Variants in MPHOSPH9 observed in about 807,000 individuals in gnomAD.
MPHOSPH9 encodes the protein M-phase phosphoprotein 9.
In MPHOSPH9, 88 loss-of-function variants were observed where a neutral mutation model predicts 145.5. The ratio of observed to expected loss-of-function variants is 0.60; its 90% CI spans 0.51 to 0.72. The LOEUF (loss-of-function observed/expected upper bound fraction) is 0.72. Ranked by LOEUF, MPHOSPH9 falls within the 30% of genes least tolerant of loss-of-function variation. The pLI is 0.00. For synonymous variants in MPHOSPH9, 435 were observed against 486.2 expected, an observed-to-expected ratio of 0.89 and a Z score of 1.39; for missense variants, 1,238 against 1,386.6, an observed-to-expected ratio of 0.89 and a Z score of 1.70.
intron 13 of MPHOSPH9, among the ~76,000 whole-genome samples, chr12:123,191,906 AG>A (rs2045692851): frequency 6.6e-6 from 1 of 152,202 alleles, no homozygotes; most frequent in African/African-American, 2.4e-5. Context: ...TAACAAAGAA[AG>A]GACATGCACT....
intron 3 of MPHOSPH9, among the ~76,000 whole-genome samples, chr12:123,223,407 G>A (rs576000647): frequency 3.3e-5 from 5 of 152,252 alleles, no homozygotes; most frequent in Non-Finnish European, 7.4e-5. Flanking sequence ...CTAACTGCCT[G>A]CGTAAAGCCT....
intron 1 of MPHOSPH9, among the ~76,000 whole-genome samples, chr12:123,242,821 C>G (rs1235410634): frequency 1.3e-5 from 2 of 152,164 alleles, no homozygotes; most frequent in African/African-American, 2.4e-5. Flanking sequence ...CTCTCTTTTT[C>G]CCTGCACTGG....
At position 123,218,364 on chromosome 12, in the gene MPHOSPH9, C is replaced by T; in HGVS notation, c.996+12G>A. The stretch of plus-strand genomic sequence containing the variant: ...GTACTGGAGCCCGCAGGGAAAGTGA[C>T]TAGTCACCTACTTTCTCAATTGGTG... On this transcript the variant is annotated intron_variant, in intron 6 of 23. Coordinates refer to ENST00000606320, the MANE Select transcript of MPHOSPH9 (RefSeq NM_022782.4). The T allele has an allele frequency of 6.2e-7, 1 of 1,613,780 alleles. No homozygotes were observed. Among genetic ancestry groups the T allele is most frequent in the Non-Finnish European group, 8.5e-7 (1 of 1,179,768 alleles).
chr12:123,241,668 C>G (rs2047939781), intron 1 of MPHOSPH9, among the ~76,000 whole-genome samples: 2 of 151,824 alleles, frequency 1.3e-5, no homozygotes. Context: ...TGAGGTCTCC[C>G]TATGTTGCAC....
In MPHOSPH9 at chr12:123,202,951, G is replaced by T. The variant is rs758323407; in HGVS notation, c.1454C>A (p.Ser485Tyr). The T allele has an allele frequency of 1.4e-5, 22 of 1,614,142 alleles. No homozygotes were observed. The highest frequency in any genetic ancestry group is 1.7e-5 in the Non-Finnish European group (20 of 1,180,026). The part of the protein sequence containing the change: ...SPDSVLEPSM[S>Y]SPSDIDSFSQ... Reference sequence around the variant, plus strand: ...AAATGAGTCTATGTCAGAGGGACTAGACATACTAGGCTCTAGAACAGAGTC... The same window carrying T: ...AAATGAGTCTATGTCAGAGGGACTATACATACTAGGCTCTAGAACAGAGTC... The change falls in exon 10 of 24, where the codon TCT becomes TAT. Residue 485 changes from serine (S) to tyrosine (Y), a missense_variant. Physicochemically the swap from Ser to Tyr is moderately radical, Grantham distance 144. Transcript: ENST00000606320.
chr12:123,230,985 C>T (rs1350632890), intron 1 of MPHOSPH9, among the ~76,000 whole-genome samples: 1 of 152,156 alleles, frequency 6.6e-6, no homozygotes, highest in African/African-American at 2.4e-5. Flanking sequence ...GTGATGGCTG[C>T]ACAACCTTGT....
At chr12:123,239,118 A>C (rs1362944122) in intron 1 of MPHOSPH9, among the ~76,000 whole-genome samples, 1 of 152,098 alleles carries the variant, frequency 6.6e-6, no homozygotes, top group Non-Finnish European at 1.5e-5. Context: ...AAAATCCAAA[A>C]ATTAGCCAGG....
intron 16 of MPHOSPH9, 111 bp downstream of exon 16, chr12:123,176,577 T>G: frequency 1.3e-6 from 1 of 749,750 alleles, no homozygotes; most frequent in Non-Finnish European, 2.2e-6. Flanking sequence ...ATTTAAGTTC[T>G]GTAATGACAT....
In MPHOSPH9 at chr12:123,221,395, T is replaced by G. The variant is rs775548067; in HGVS notation, c.849A>C (p.Glu283Asp). 5.0e-6 allele frequency: 8 copies of G among 1,605,962 alleles called. No homozygotes were observed. Among genetic ancestry groups the G allele is most frequent in the Non-Finnish European group, 6.8e-6 (8 of 1,176,978 alleles). ...HNFLGENKVS[E>D]VYSGKTNSNA... ...ACCTATTTGTTTTCCCACTGTATAC[T>G]TCAGAAACCTTATTTTCACCAAGAA... The change falls in exon 5 of 24, where the codon GAA becomes GAC. Residue 283 changes from glutamate to aspartate, a missense_variant. Around this residue, in one of 3 missense-constraint regions of MPHOSPH9, gnomAD observed 837 missense variants for 897.5 expected, o/e 0.93. Coordinates refer to ENST00000606320, the MANE Select transcript of MPHOSPH9 (RefSeq NM_022782.4).
In MPHOSPH9 at chr12:123,156,671, G is replaced by C. The variant is rs1240972391; in HGVS notation, c.*136C>G. ...ATGTGGCCATTTGAAGTATAAAATA[G>C]CAAGTGTAAGAATAGCATGATTGTA... On this transcript the variant is annotated 3_prime_UTR_variant, in exon 24 of 24. Transcript: ENST00000606320. 2 of 503,856 alleles carry C rather than the reference G, an allele frequency of 4.0e-6. No individual in the cohort carries two copies. Among genetic ancestry groups the C allele is most frequent in the Admixed American group, 3.5e-5 (1 of 28,304 alleles). The allele number at this position is 503,856 out of a possible 1,614,324, so 31.2% of individuals were successfully genotyped here.
intron 13 of MPHOSPH9, among the ~76,000 whole-genome samples, chr12:123,186,100 G>A (rs901661432): frequency 1.1e-4 from 17 of 151,740 alleles, no homozygotes; most frequent in African/African-American, 2.7e-4. Context: ...GGTGGTGTGC[G>A]CCTGTAATCT....
At chr12:123,202,135 A>ACT (rs2046247976) in intron 11 of MPHOSPH9, 29 bp downstream of exon 11, 1 of 1,574,124 alleles carries the variant, frequency 6.4e-7, no homozygotes. Context: ...AAGGTGGAGA[A>ACT]AACTTCACAG....
chr12:123,179,789 C>A, intron 15 of MPHOSPH9, 137 bp downstream of exon 15: 1 of 417,170 alleles, frequency 2.4e-6, no homozygotes, highest in Non-Finnish European at 4.3e-6. Flanking sequence ...ATTTCCATGT[C>A]AAGGGAAAAT....
chr12:123,156,981 T>A, intron 23 of MPHOSPH9, 73 bp from the exon 24 acceptor site: 1 of 1,117,544 alleles, frequency 8.9e-7, no homozygotes, highest in South Asian at 1.6e-5. Context: ...AAACTGACCT[T>A]TCTTTTAGCA....
downstream of MPHOSPH9, among the ~76,000 whole-genome samples, chr12:123,154,016 C>T (rs995420013): frequency 4.6e-5 from 7 of 152,126 alleles, no homozygotes; most frequent in African/African-American, 1.7e-4. Context: ...AACCCTAGCA[C>T]GGCCACTTTA....
chr12:123,162,844 A>G (rs2044164399), intron 20 of MPHOSPH9, 170 bp downstream of exon 20: 5 of 572,000 alleles, frequency 8.7e-6, no homozygotes, highest in Non-Finnish European at 1.4e-5. Flanking sequence ...AACTGTGTTC[A>G]TTGTACTGCA....
intron 16 of MPHOSPH9, among the ~76,000 whole-genome samples, chr12:123,167,598 C>A (rs1593075188): frequency 6.6e-6 from 1 of 152,166 alleles, no homozygotes; most frequent in Non-Finnish European, 1.5e-5. Flanking sequence ...TGTCCCAACC[C>A]CTTTGGACAT....
intron 13 of MPHOSPH9, among the ~76,000 whole-genome samples, chr12:123,185,152 G>T (rs1427225380): frequency 6.6e-6 from 1 of 151,820 alleles, no homozygotes; most frequent in African/African-American, 2.4e-5. Flanking sequence ...CTTGGAAAAA[G>T]ACATTAAATA....
chr12:123,218,635 C>T (rs1367288981), intron 5 of MPHOSPH9, 136 bp from the exon 6 acceptor site: 3 of 748,872 alleles, frequency 4.0e-6, no homozygotes, highest in African/African-American at 1.8e-5. Context: ...AAGCAATTCT[C>T]GTGCCTCAGT....
Sources: allele counts gnomAD v4.1 joint callset (sites outside exome capture counted in the v4.1 genomes callset), GRCh38; gene constraint gnomAD v4.1.1; regional missense constraint gnomAD v4.1.1; transcripts MANE v1.5; gene names NCBI Gene and HGNC (gene_info 2026-07-23, HGNC 2026-07-21).